The following DENND3 variants were observed in gnomAD, a reference collection of about 807,000 sequenced individuals.
DENND3 encodes the protein DENN domain-containing protein 3.
A neutral mutation model predicts 135.1 loss-of-function variants in DENND3; 88 were observed. That is an observed-to-expected ratio of 0.65 (90% CI 0.55 to 0.78). The LOEUF (loss-of-function observed/expected upper bound fraction) is 0.78, where lower values mean the gene tolerates loss of function less well. Among genes scored for constraint, DENND3 ranks in the 30% least tolerant of loss-of-function variants. The pLI is 0.00. For synonymous variants in DENND3, 693 were observed against 712.3 expected (o/e 0.97, Z 0.43); for missense variants, 1,392 against 1,688.4 (o/e 0.82, Z 3.08).
chr8:141,172,131 G>A (rs1255173868), intron 13 of DENND3, among the ~76,000 whole-genome samples: 1 of 149,236 alleles, frequency 6.7e-6, no homozygotes, highest in Non-Finnish European at 1.5e-5. Flanking sequence ...GCACGGTGGT[G>A]GGCATGCACA....
In DENND3 at chr8:141,175,453, T is replaced by C. The variant is rs1276811544; in HGVS notation, c.2529T>C (p.Asn843=). The change falls in exon 14 of 23, where the codon AAT becomes AAC. Residue 843 remains asparagine (N), a synonymous_variant. Transcript: ENST00000519811. This position sits in a 1 kb window ranked among gnomAD's most constrained non-coding sequence, Gnocchi z 5.4. ...ACTTGGAGATTTCCACCTTCAGAAA[T>C]ATAGAGGTAAGGACAGCACAGGCAG... The part of the protein sequence containing the change: ...PGYLEISTFR[N]IEEVRRTTTT... 6.2e-7 allele frequency: 1 copy of C among 1,613,906 alleles called. No individual in the cohort carries two copies. Among genetic ancestry groups the C allele is most frequent in the East Asian group, 2.2e-5 (1 of 44,882 alleles).
intron 7 of DENND3, among the ~76,000 whole-genome samples, chr8:141,152,425 C>G (rs1237519490): frequency 6.6e-6 from 1 of 152,188 alleles, no homozygotes; most frequent in Non-Finnish European, 1.5e-5. Flanking sequence ...CACACCCATG[C>G]GCTTTTTCTC....
At position 141,166,363 on chromosome 8, in the gene DENND3, C is replaced by T; in HGVS notation, c.1727C>T (p.Thr576Ile). 1.2e-6 allele frequency: 2 copies of T among 1,612,834 alleles called. No individual in the cohort carries two copies. The highest frequency in any genetic ancestry group is 8.5e-7 in the Non-Finnish European group (1 of 1,179,948). Residue 576 changes from threonine (T) to isoleucine (I), a missense_variant, in exon 12 of 23, where the codon ACC becomes ATC. By Grantham distance (89) the Thr-to-Ile change is moderately conservative. Coordinates refer to ENST00000519811, the MANE Select transcript of DENND3 (RefSeq NM_001352890.3). This position sits in a 1 kb window ranked among gnomAD's most constrained non-coding sequence, Gnocchi z 4.3. The part of the protein sequence containing the change: ...PRNSSLRLTD[T>I]AGCRGSSAVL... Reference sequence around the variant, plus strand: ...AACTCCTCGCTCCGGCTGACGGACACCGCAGGCTGTAGGGGCAGCAGCGCA... The same window carrying T: ...AACTCCTCGCTCCGGCTGACGGACATCGCAGGCTGTAGGGGCAGCAGCGCA...
chr8:141,180,904 G>T, intron 17 of DENND3, 50 bp downstream of exon 17: 1 of 1,516,864 alleles, frequency 6.6e-7, no homozygotes, highest in Non-Finnish European at 9.1e-7. Context: ...CCAATCTGAT[G>T]CGCTTAGGTT....
At chr8:141,145,190 G>A (rs953346347) in intron 5 of DENND3, among the ~76,000 whole-genome samples, 2 of 152,194 alleles carry the variant, frequency 1.3e-5, no homozygotes, top group Non-Finnish European at 2.9e-5. Flanking sequence ...GGCCTCAGCC[G>A]CACACCCCCT....
chr8:141,151,351 G>A (rs1397633109), intron 6 of DENND3, among the ~76,000 whole-genome samples: 1 of 152,188 alleles, frequency 6.6e-6, no homozygotes, highest in African/African-American at 2.4e-5. Flanking sequence ...CTTGAGGCCA[G>A]GAGTTTGAGA....
At chr8:141,140,298 A>G (rs1817293461) in intron 3 of DENND3, among the ~76,000 whole-genome samples, 1 of 151,928 alleles carries the variant, frequency 6.6e-6, no homozygotes, top group Non-Finnish European at 1.5e-5. Flanking sequence ...TGGGAACCAT[A>G]TTGTGTCTGG....
At chr8:141,147,900 G>C (rs748980950) in intron 5 of DENND3, among the ~76,000 whole-genome samples, 7 of 152,188 alleles carry the variant, frequency 4.6e-5, no homozygotes, top group Non-Finnish European at 1.0e-4. Context: ...CGTCCCGTGC[G>C]TGTGTCTGAA....
At position 141,160,751 on chromosome 8, in the gene DENND3, A is replaced by C; in HGVS notation, c.1316A>C (p.Gln439Pro). Residue 439 changes from glutamine (Q) to proline (P), a missense_variant, in exon 9 of 23, where the codon CAG (glutamine) becomes CCG (proline). Coordinates refer to ENST00000519811, the MANE Select transcript of DENND3 (RefSeq NM_001352890.3). ...SWQQKLNCQI[Q>P]QTTLQLLVSI... is the part of the protein sequence containing the mutation. ...CAGCAGAAACTCAACTGCCAGATAC[A>C]GCAGACCACCCTGCAGCTGCTCGTG... The C allele has an allele frequency of 1.2e-6, 2 of 1,612,924 alleles. No individual in the cohort carries two copies. The highest frequency in any genetic ancestry group is 1.7e-6 in the Non-Finnish European group (2 of 1,179,638).
At chr8:141,155,996 A>C in intron 8 of DENND3, 26 bp downstream of exon 8, 1 of 1,575,850 alleles carries the variant, frequency 6.3e-7, no homozygotes, top group Non-Finnish European at 8.6e-7. Context: ...AATGGTATGA[A>C]TTTCAGACCG....
At position 141,194,490 on chromosome 8, in the gene DENND3, G is replaced by T. The variant is rs1231243749; in HGVS notation, c.*257G>T. The T allele has an allele frequency of 5.8e-6, 3 of 516,790 alleles. No homozygotes were observed. In the Middle Eastern group the frequency reaches 1.5e-3, roughly 265 times the overall value. 32.0% of individuals were successfully genotyped at this position (516,790 alleles called of 1,614,324 possible). A position where few individuals can be genotyped will look rare whatever the true frequency, so the allele number is the denominator to read the frequency against. On this transcript the variant is annotated 3_prime_UTR_variant, in exon 23 of 23. Coordinates refer to ENST00000519811, the MANE Select transcript of DENND3 (RefSeq NM_001352890.3). ...TCAGGCAGGCAGCTGCGTCTTGTTG[G>T]TGATAACCTCTGCTGGGAGGTTACT... is the stretch of plus-strand genomic sequence containing the variant.
rs1475641522 is a variant in DENND3 at position 141,190,119 on chromosome 8, TTAC to T, written c.3246-164_3246-162del. 9.8e-3 allele frequency among the ~76,000 whole-genome samples: 1,469 copies of T among 150,558 alleles called. 13 individuals carry two copies. Among genetic ancestry groups the T allele is most frequent in the South Asian group, 0.028 (135 of 4,766 alleles). On this transcript the variant is annotated intron_variant, in intron 19 of 22. Transcript: ENST00000519811. ...TGCATGTTATTATCATGTTTGCAGGTTACGTTTGCAGGTTATTATGTTTGCATG... is the reference window on the plus strand; with the variant it reads ...TGCATGTTATTATCATGTTTGCAGGTGTTTGCAGGTTATTATGTTTGCATG...
intron 7 of DENND3, among the ~76,000 whole-genome samples, chr8:141,153,457 C>T (rs1478648953): frequency 6.6e-6 from 1 of 152,240 alleles, no homozygotes; most frequent in Non-Finnish European, 1.5e-5. Flanking sequence ...ATGCGCCCCT[C>T]ACAGTCCTCA....
chr8:141,132,390 G>A (rs372441822), intron 1 of DENND3, among the ~76,000 whole-genome samples: 5 of 151,944 alleles, frequency 3.3e-5, no homozygotes, highest in East Asian at 3.9e-4. Flanking sequence ...GGAGTTTCAC[G>A]CTTGTTGCCC....
chr8:141,157,493 C>A, intron 8 of DENND3: 3 of 985,644 alleles, frequency 3.0e-6, no homozygotes, highest in Non-Finnish European at 3.6e-6. Flanking sequence ...GTGGAGGTGA[C>A]GCTGGAGGGA....
intron 19 of DENND3, among the ~76,000 whole-genome samples, chr8:141,189,591 A>T (rs1159248819): frequency 6.6e-6 from 1 of 151,614 alleles, no homozygotes; most frequent in Admixed American, 6.6e-5. Context: ...CGGGAGGAGG[A>T]GGTGGGGTCT....
rs892765364 is a variant in DENND3 at position 141,144,953 on chromosome 8, A to T, written c.735+694A>T. ...AGAAAATCAAAGTATTTTACTGCAA[A>T]TATGTTTCTTTGACATATTTTGAAA... On this transcript the variant is annotated intron_variant, in intron 5 of 22. Transcript: ENST00000519811. This position sits in a 1 kb window ranked among gnomAD's most constrained non-coding sequence, Gnocchi z 4.4. Among the ~76,000 whole-genome samples, 1 of 152,232 alleles carries T rather than the reference A, an allele frequency of 6.6e-6. No individual in the cohort carries two copies. Among genetic ancestry groups the T allele is most frequent in the Non-Finnish European group, 1.5e-5 (1 of 68,044 alleles).
At chr8:141,188,920 T>A (rs900092230) in intron 18 of DENND3, 66 bp from the exon 19 acceptor site, 1 of 1,567,038 alleles carries the variant, frequency 6.4e-7, no homozygotes, top group Non-Finnish European at 8.6e-7. Context: ...GCAGTAAATG[T>A]ATAGAATATG....
chr8:141,150,957 C>G lies in DENND3; in HGVS notation c.855+4C>G, dbSNP rs202020751. ...CAGGCCTGAGAAGGTGCTACAGGTA[C>G]GCGGCCCCGCCCCGGCGAGCGCGTC... On this transcript the variant is annotated splice_donor_region_variant and intron_variant, in intron 6 of 22. Transcript: ENST00000519811. 9.1e-6 allele frequency: 14 copies of G among 1,541,234 alleles called. No individual in the cohort carries two copies. Among genetic ancestry groups the G allele is most frequent in the Middle Eastern group, 1.7e-4 (1 of 5,732 alleles).
Sources: gnomAD v4.1 joint callset for allele counts (sites outside exome capture counted in the v4.1 genomes callset) on GRCh38, gnomAD v4.1.1 for gene constraint, Gnocchi (gnomAD v3.1) non-coding constraint, MANE v1.5 for transcripts, NCBI Gene and HGNC (gene_info 2026-07-23, HGNC 2026-07-21) for gene names.